RGS7: variants seen among roughly 807,000 people sequenced by gnomAD.
RGS7 encodes the protein regulator of G protein signaling 7.
RGS7 carries 27 observed loss-of-function variants against 81.1 expected under a neutral mutation model. The observed-to-expected ratio is 0.33, with a 90% CI of 0.25 to 0.46. The LOEUF is 0.46. Among genes scored for constraint, RGS7 ranks in the 20% least tolerant of loss-of-function variants. The probability of loss-of-function intolerance (pLI) is 1.00; values close to 1 mark genes in which losing one functional copy is unlikely to be tolerated. For synonymous variants in RGS7, 208 were observed against 207.7 expected, an observed-to-expected ratio of 1.00 and a Z score of -0.01; for missense variants, 396 against 607.4, an observed-to-expected ratio of 0.65 and a Z score of 3.66.
At chr1:240,952,103 T>C (rs146485378) in intron 4 of RGS7, among the ~76,000 whole-genome samples, 72 of 152,156 alleles carry the variant, frequency 4.7e-4, no homozygotes, top group African/African-American at 1.7e-3. Context: ...AATACATTAC[T>C]AGTGGGCTTG....
intron 9 of RGS7, among the ~76,000 whole-genome samples, chr1:240,851,732 G>A (rs1027347587): frequency 6.6e-6 from 1 of 152,196 alleles, no homozygotes; most frequent in African/African-American, 2.4e-5. Flanking sequence ...TTTGGAAGAA[G>A]TTGATCCCAG....
intron 15 of RGS7, 51 bp from the exon 16 acceptor site, chr1:240,803,044 T>TA: frequency 8.0e-7 from 1 of 1,250,030 alleles, no homozygotes; most frequent in Non-Finnish European, 1.2e-6. Context: ...TTGGGAAAAG[T>TA]AAAATATCAT....
At chr1:241,345,407 TAGTC>T (rs1463824422) in intron 2 of RGS7, among the ~76,000 whole-genome samples, 1 of 152,120 alleles carries the variant, frequency 6.6e-6, no homozygotes, top group East Asian at 1.9e-4. Flanking sequence ...TTTAAAAAGG[TAGTC>T]AGTGAACTAC....
chr1:241,148,923 T>G (rs1028813126), intron 2 of RGS7, among the ~76,000 whole-genome samples: 2 of 152,248 alleles, frequency 1.3e-5, no homozygotes, highest in Non-Finnish European at 2.9e-5. Flanking sequence ...ACTATGTATT[T>G]CGTTAATGAG....
At chr1:240,912,892 A>G (rs1014487612) in intron 6 of RGS7, among the ~76,000 whole-genome samples, 3 of 152,182 alleles carry the variant, frequency 2.0e-5, no homozygotes, top group African/African-American at 7.2e-5. Context: ...AACATTTTCT[A>G]TTTCTCTTTT....
chr1:241,276,600 T>C (rs939374571), intron 2 of RGS7, among the ~76,000 whole-genome samples: 2 of 152,228 alleles, frequency 1.3e-5, no homozygotes, highest in African/African-American at 4.8e-5. Flanking sequence ...GCAAGCATCC[T>C]CTTTTGTTGC....
At chr1:241,129,923 C>T (rs951309357) in intron 2 of RGS7, among the ~76,000 whole-genome samples, 4 of 152,148 alleles carry the variant, frequency 2.6e-5, no homozygotes, top group Admixed American at 1.3e-4. Context: ...TTTAAAATTG[C>T]TTTTCAAGAA....
intron 2 of RGS7, among the ~76,000 whole-genome samples, chr1:241,137,187 A>G (rs1355413706): frequency 6.6e-6 from 1 of 152,018 alleles, no homozygotes; most frequent in Admixed American, 6.6e-5. Context: ...TTGTACTATC[A>G]AAGACCGTAT....
chr1:241,142,801 C>T (rs1489564827), intron 2 of RGS7, among the ~76,000 whole-genome samples: 2 of 152,218 alleles, frequency 1.3e-5, no homozygotes, highest in African/African-American at 2.4e-5. Flanking sequence ...GCTTGATTTT[C>T]TCCTCAGAAA....
At position 240,983,093 on chromosome 1, in the gene RGS7, G is replaced by T; in HGVS notation, c.212C>A (p.Thr71Asn). The part of the protein sequence containing the change: ...DIVQWLIKNL[T>N]IEDPVEALHL... Reference sequence around the variant, plus strand: ...GATTTATTTACCTGGATCTTCTATAGTTAAGTTCTTTATCAACCATTGAAC... The same window carrying T: ...GATTTATTTACCTGGATCTTCTATATTTAAGTTCTTTATCAACCATTGAAC... The change falls in exon 4 of 19, where the codon ACT (threonine) becomes AAT (asparagine). Residue 71 changes from threonine to asparagine, a missense_variant. Transcript: ENST00000440928. 6.5e-7 allele frequency: 1 copy of T among 1,545,170 alleles called. No individual in the cohort carries two copies. Among genetic ancestry groups the T allele is most frequent in the Non-Finnish European group, 8.9e-7 (1 of 1,120,932 alleles).
At chr1:241,224,145 A>T (rs1227427821) in intron 2 of RGS7, among the ~76,000 whole-genome samples, 3 of 151,956 alleles carry the variant, frequency 2.0e-5, no homozygotes, top group Non-Finnish European at 4.4e-5. Flanking sequence ...TGTGCAGAAC[A>T]TGCAGTTTTG....
At chr1:240,994,558 G>A (rs1299319341) in intron 3 of RGS7, among the ~76,000 whole-genome samples, 1 of 151,992 alleles carries the variant, frequency 6.6e-6, no homozygotes, top group Non-Finnish European at 1.5e-5. Flanking sequence ...AGTTCTAGAA[G>A]GTTTTTTTGC....
intron 3 of RGS7, among the ~76,000 whole-genome samples, chr1:241,009,007 T>A (rs1356296576): frequency 6.6e-6 from 1 of 151,936 alleles, no homozygotes; most frequent in African/African-American, 2.4e-5. Context: ...TTTGTTTCTC[T>A]GATTATAGAT....
intron 4 of RGS7, among the ~76,000 whole-genome samples, chr1:240,979,467 T>C (rs1684615762): frequency 6.6e-6 from 1 of 151,970 alleles, no homozygotes. Flanking sequence ...AAAGATAGAG[T>C]ATATTCTTGG....
At chr1:241,088,091 T>G (rs2502420) in intron 3 of RGS7, among the ~76,000 whole-genome samples, 2 of 148,646 alleles carry the variant, frequency 1.3e-5, no homozygotes, top group East Asian at 3.9e-4. Context: ...CATATATATA[T>G]AGAAACTGGC....
intron 15 of RGS7, among the ~76,000 whole-genome samples, chr1:240,804,677 C>T (rs28406278): frequency 0.043 from 6,546 of 152,150 alleles, 150 homozygotes; most frequent in East Asian, 0.11. Flanking sequence ...GAAAGATGCT[C>T]GGCATTTTAT....
At chr1:240,948,247 T>G (rs1678978427) in intron 4 of RGS7, among the ~76,000 whole-genome samples, 1 of 152,192 alleles carries the variant, frequency 6.6e-6, no homozygotes, top group Non-Finnish European at 1.5e-5. Flanking sequence ...CATTTTTGTC[T>G]GTTTGCTTGG....
intron 18 of RGS7, among the ~76,000 whole-genome samples, chr1:240,778,784 G>T (rs1244304000): frequency 6.6e-6 from 1 of 152,138 alleles, no homozygotes; most frequent in Non-Finnish European, 1.5e-5. Context: ...CACCCGCCTT[G>T]GCCTCCCAAA....
At chr1:240,873,844 C>A (rs1399298877) in intron 6 of RGS7, among the ~76,000 whole-genome samples, 1 of 152,122 alleles carries the variant, frequency 6.6e-6, no homozygotes, top group Non-Finnish European at 1.5e-5. Flanking sequence ...CCAGGTAATG[C>A]AAATTAACTT....
Sources: gnomAD v4.1 joint callset for allele counts (sites outside exome capture counted in the v4.1 genomes callset) on GRCh38, gnomAD v4.1.1 for gene constraint, MANE v1.5 for transcripts, NCBI Gene and HGNC (gene_info 2026-07-23, HGNC 2026-07-21) for gene names.